RYK: variants seen among roughly 807,000 people sequenced by gnomAD.
RYK encodes receptor like tyrosine kinase.
In RYK, 21 loss-of-function variants were observed where a neutral mutation model predicts 70.2. That is an observed-to-expected ratio of 0.30 (90% confidence interval 0.21 to 0.43). The LOEUF is 0.43. RYK is among the 20% of genes least tolerant of loss of function. RYK has a pLI of 1.00. For synonymous variants in RYK, 267 were observed against 278.0 expected, an observed-to-expected ratio of 0.96 and a Z score of 0.39; for missense variants, 604 against 753.3, an observed-to-expected ratio of 0.80 and a Z score of 2.32.
intron 1 of RYK, among the ~76,000 whole-genome samples, chr3:134,242,073 G>C (rs1453445154): frequency 6.6e-6 from 1 of 152,180 alleles, no homozygotes; most frequent in Non-Finnish European, 1.5e-5. Context: ...AGGAGGCCAA[G>C]GTGGGTGGAT....
At chr3:134,236,246 T>C (rs1424616615) in intron 1 of RYK, among the ~76,000 whole-genome samples, 2 of 152,076 alleles carry the variant, frequency 1.3e-5, no homozygotes, top group East Asian at 3.9e-4. Context: ...GCTGAGACAC[T>C]GTAGTGGGCA....
At chr3:134,173,576 C>A (rs1388618936) in intron 13 of RYK, among the ~76,000 whole-genome samples, 3 of 152,094 alleles carry the variant, frequency 2.0e-5, no homozygotes, top group Non-Finnish European at 2.9e-5. Context: ...AGGGGAAATG[C>A]CAGACGCTGA....
At chr3:134,174,728 C>T (rs1211601266) in intron 13 of RYK, among the ~76,000 whole-genome samples, 1 of 152,010 alleles carries the variant, frequency 6.6e-6, no homozygotes, top group Non-Finnish European at 1.5e-5. Context: ...TTTTACATGG[C>T]TGTAAAATAT....
intron 3 of RYK, among the ~76,000 whole-genome samples, chr3:134,210,940 G>C (rs1362955309): frequency 6.6e-6 from 1 of 152,166 alleles, no homozygotes; most frequent in Non-Finnish European, 1.5e-5. Flanking sequence ...AGGAGTTCAC[G>C]AGCAGAAAGA....
rs1190119743 is a variant in RYK, at chr3:134,183,036, T to C, written c.1138A>G (p.Thr380Ala). ...ASEIQVTMML[T>A]ESCKLRGLHH... is the part of the protein sequence containing the mutation. ...AGACCTCGCAGCTTACAACTTTCAG[T>C]GAGCATCATTGTCACCTGAATTTCA... The change falls in exon 10 of 15, where the codon ACT becomes GCT. Residue 380 changes from threonine to alanine, a missense_variant. Transcript: ENST00000623711. 6.3e-7 allele frequency: 1 copy of C among 1,591,446 alleles called. No individual in the cohort carries two copies. The highest frequency in any genetic ancestry group is 1.7e-4 in the Middle Eastern group (1 of 6,022).
intron 10 of RYK, chr3:134,180,530 A>T (rs979640536): frequency 6.6e-6 from 1 of 152,194 alleles, no homozygotes; most frequent in African/African-American, 2.4e-5. Flanking sequence ...ATTCTATAAT[A>T]CGATCTCTGA....
At chr3:134,225,781 C>T (rs2014890253) in intron 1 of RYK, among the ~76,000 whole-genome samples, 5 of 151,522 alleles carry the variant, frequency 3.3e-5, no homozygotes, top group African/African-American at 7.3e-5. Context: ...GGCTTGAGCT[C>T]AGGAATTTGA....
chr3:134,215,951 A>C (rs2014538417), intron 2 of RYK, among the ~76,000 whole-genome samples: 1 of 151,434 alleles, frequency 6.6e-6, no homozygotes, highest in Admixed American at 6.6e-5. Context: ...CAGGAGAATC[A>C]CTTGAACCTG....
chr3:134,235,777 G>C (rs1256968835), intron 1 of RYK, among the ~76,000 whole-genome samples: 1 of 152,160 alleles, frequency 6.6e-6, no homozygotes, highest in Non-Finnish European at 1.5e-5. Flanking sequence ...TAAGTGAGTA[G>C]TGAGAAATGA....
intron 2 of RYK, among the ~76,000 whole-genome samples, chr3:134,218,182 T>G (rs2014619255): frequency 6.6e-6 from 1 of 152,212 alleles, no homozygotes; most frequent in African/African-American, 2.4e-5. Context: ...CCAGCCTATA[T>G]GTTTTCACAC....
Position 134,158,104 on chromosome 3 carries a change from T to C in RYK, c.*49A>G. 1 of 1,077,518 alleles carries C rather than the reference T, an allele frequency of 9.3e-7. No homozygotes were observed. The highest frequency in any genetic ancestry group is 1.3e-6 in the Non-Finnish European group (1 of 793,284). The allele number at this position is 1,077,518 out of a possible 1,614,324, so 66.7% of individuals were successfully genotyped here. ...CAAAGCATCCCTGACAGGCTTCAAG[T>C]GAGCCCCGACAGGCACCTTCTTCCT... On this transcript the variant is annotated 3_prime_UTR_variant, in exon 15 of 15. Transcript: ENST00000623711.
intron 13 of RYK, among the ~76,000 whole-genome samples, chr3:134,160,031 G>A (rs1360860294): frequency 2.0e-5 from 3 of 152,134 alleles, no homozygotes; most frequent in South Asian, 4.2e-4. Context: ...GGCAGGCAAC[G>A]TCTCTACACA....
intron 5 of RYK, among the ~76,000 whole-genome samples, chr3:134,206,163 G>A (rs1186247451): frequency 6.6e-6 from 1 of 151,944 alleles, no homozygotes; most frequent in East Asian, 1.9e-4. Flanking sequence ...TTATTTTACA[G>A]GCAAAAAAAT....
At chr3:134,247,623 A>G (rs965364163) in intron 1 of RYK, among the ~76,000 whole-genome samples, 1 of 151,206 alleles carries the variant, frequency 6.6e-6, no homozygotes, top group Non-Finnish European at 1.5e-5. Context: ...AATCGCTTGA[A>G]CCTTGGAGGC....
At chr3:134,211,968 T>A (rs141761530) in intron 2 of RYK, among the ~76,000 whole-genome samples, 131 of 152,322 alleles carry the variant, frequency 8.6e-4, no homozygotes, top group African/African-American at 2.9e-3. Flanking sequence ...CATAAATAGC[T>A]ACCAATGCCT....
At chr3:134,234,337 A>C (rs1402408291) in intron 1 of RYK, among the ~76,000 whole-genome samples, 1 of 152,196 alleles carries the variant, frequency 6.6e-6, no homozygotes, top group Non-Finnish European at 1.5e-5. Context: ...ATGATAAATT[A>C]TTAATGATTA....
chr3:134,223,292 G>A (rs2107685924), intron 1 of RYK, among the ~76,000 whole-genome samples: 1 of 152,096 alleles, frequency 6.6e-6, no homozygotes, highest in South Asian at 2.1e-4. Context: ...TCTCAGCCAG[G>A]GCACATACAA....
At chr3:134,180,065 G>A (rs1490967925) in intron 10 of RYK, 1 of 152,116 alleles carries the variant, frequency 6.6e-6, no homozygotes, top group Non-Finnish European at 1.5e-5. Flanking sequence ...AAGAAAGAAG[G>A]TACAGGAAGG....
At chr3:134,193,072 T>C (rs2013695948) in intron 7 of RYK, among the ~76,000 whole-genome samples, 2 of 152,182 alleles carry the variant, frequency 1.3e-5, no homozygotes, top group South Asian at 4.1e-4. Flanking sequence ...TCAGTATATA[T>C]ATATGTAGTA....
Sources: gnomAD v4.1 joint callset for allele counts (sites outside exome capture counted in the v4.1 genomes callset) on GRCh38, gnomAD v4.1.1 for gene constraint, MANE v1.5 for transcripts, NCBI Gene and HGNC (gene_info 2026-07-23, HGNC 2026-07-21) for gene names.